Variants in MAML3 observed in about 807,000 individuals in gnomAD.
MAML3 encodes mastermind like transcriptional coactivator 3, also known as mastermind-like protein 3.
MAML3 carries 27 observed loss-of-function variants against 101.9 expected under a neutral mutation model. That is an observed-to-expected ratio of 0.27 (90% CI 0.20 to 0.37). The LOEUF (loss-of-function observed/expected upper bound fraction) is 0.37. MAML3 is among the 10% of genes least tolerant of loss of function. The probability of loss-of-function intolerance (pLI) is 1.00; values close to 1 mark genes in which losing one functional copy is unlikely to be tolerated. For missense variants in MAML3, 1,316 were observed against 1,444.9 expected, an observed-to-expected ratio of 0.91 and a Z score of 1.45; for synonymous variants, 501 against 555.9, an observed-to-expected ratio of 0.90 and a Z score of 1.39.
At chr4:139,787,854 T>C (rs562449517) in intron 2 of MAML3, among the ~76,000 whole-genome samples, 4 of 152,376 alleles carry the variant, frequency 2.6e-5, no homozygotes, top group Non-Finnish European at 5.9e-5. Context: ...CCCTAGTTTG[T>C]TTAGCTTTGC....
In MAML3 at chr4:139,931,000, G is replaced by A. The variant is rs534662174; in HGVS notation, c.469-40033C>T. ...TCTAAAAAAAAGGGGTAACAGATGT[G>A]GGGGAGAAGAATTAGAAGCAATGCA... On this transcript the variant is annotated intron_variant, in intron 1 of 4. Transcript: ENST00000509479. 3.9e-5 allele frequency among the ~76,000 whole-genome samples: 6 copies of A among 152,174 alleles called. No homozygotes were observed. In the South Asian group the frequency reaches 1.2e-3, roughly 32 times the overall value.
chr4:140,085,324 G>A (rs1052260117), intron 1 of MAML3, among the ~76,000 whole-genome samples: 1 of 152,186 alleles, frequency 6.6e-6, no homozygotes, highest in East Asian at 1.9e-4. Context: ...GGAGCAGCCA[G>A]TAACTTCAAA....
chr4:140,037,273 AAAC>A (rs1727002083), intron 1 of MAML3, among the ~76,000 whole-genome samples: 1 of 152,098 alleles, frequency 6.6e-6, no homozygotes, highest in Non-Finnish European at 1.5e-5. Context: ...AACAGCAACA[AAAC>A]AAAAAACAAA....
Position 140,138,504 on chromosome 4 carries a change from C to T in MAML3, c.468+14356G>A, listed in dbSNP as rs895080272. 5.9e-5 allele frequency among the ~76,000 whole-genome samples: 9 copies of T among 152,190 alleles called. No individual in the cohort carries two copies. In the South Asian group the frequency reaches 6.2e-4, roughly 11 times the overall value. The stretch of plus-strand genomic sequence containing the variant: ...TGTTTACCAAACATCAGAGAATCTC[C>T]GGGCAGAGGGCTACTGCAGGATGGG... On this transcript the variant is annotated intron_variant, in intron 1 of 4. Transcript: ENST00000509479.
intron 1 of MAML3, among the ~76,000 whole-genome samples, chr4:140,041,453 G>A (rs1007688585): frequency 5.3e-5 from 8 of 152,040 alleles, no homozygotes; most frequent in African/African-American, 1.7e-4. Context: ...GCGAAACCCC[G>A]TCTCTACTAA....
At chr4:140,131,416 A>T (rs1657792254) in intron 1 of MAML3, among the ~76,000 whole-genome samples, 1 of 152,168 alleles carries the variant, frequency 6.6e-6, no homozygotes, top group South Asian at 2.1e-4. Flanking sequence ...TCTCCTGCAG[A>T]CCTCCATGCT....
Position 139,889,780 on chromosome 4 carries a change from A to G in MAML3, c.1656T>C (p.Pro552=). 2.5e-6 allele frequency: 4 copies of G among 1,613,938 alleles called. No individual in the cohort carries two copies. The highest frequency in any genetic ancestry group is 3.4e-6 in the Non-Finnish European group (4 of 1,179,884). Residue 552 remains proline (P), a synonymous_variant, in exon 2 of 5, where the codon CCT becomes CCC. Transcript: ENST00000509479. The part of the protein sequence containing the change: ...MYPQAFNNQN[P]IVPPMANNLQ... ...GGTTGTTTGCCATTGGAGGCACTAT[A>G]GGGTTTTGGTTGTTAAAGGCTTGGG...
intron 1 of MAML3, among the ~76,000 whole-genome samples, chr4:140,108,931 T>C (rs1728395656): frequency 6.6e-6 from 1 of 152,146 alleles, no homozygotes. Context: ...ATTACTTCTT[T>C]TTAAACTTCC....
chr4:139,761,946 C>A (rs1430579584), intron 2 of MAML3, among the ~76,000 whole-genome samples: 1 of 152,062 alleles, frequency 6.6e-6, no homozygotes, highest in Non-Finnish European at 1.5e-5. Flanking sequence ...TGTGGACAAG[C>A]AGTTCTATAT....
intron 2 of MAML3, among the ~76,000 whole-genome samples, chr4:139,778,769 G>T (rs919150324): frequency 6.6e-6 from 1 of 152,074 alleles, no homozygotes; most frequent in African/African-American, 2.4e-5. Flanking sequence ...TGGATCACGA[G>T]GTCAAGAGAC....
At chr4:140,091,907 C>A (rs1227425507) in intron 1 of MAML3, among the ~76,000 whole-genome samples, 2 of 151,956 alleles carry the variant, frequency 1.3e-5, no homozygotes, top group Non-Finnish European at 2.9e-5. Flanking sequence ...GATCCCCACT[C>A]TGAGCAGGTA....
intron 2 of MAML3, among the ~76,000 whole-genome samples, chr4:139,807,016 C>T (rs1207780513): frequency 6.6e-6 from 1 of 152,072 alleles, no homozygotes; most frequent in Non-Finnish European, 1.5e-5. Context: ...ACTTTTTAGG[C>T]TTAAAATATT....
Position 139,832,094 on chromosome 4 carries a change from CTTTTT to C in MAML3, c.2079+57258_2079+57262del, listed in dbSNP as rs70943444. On this transcript the variant is annotated intron_variant, in intron 2 of 4. Coordinates refer to ENST00000509479, the MANE Select transcript of MAML3 (RefSeq NM_018717.5). ...AGGCGTGAGCCATCATGCCCAGCCCCTTTTTTTTTTTTTTTTTTTTTTTTTTTTGA... is the reference window on the plus strand; with the variant it reads ...AGGCGTGAGCCATCATGCCCAGCCCCTTTTTTTTTTTTTTTTTTTTTTTGA... 1.0e-3 allele frequency among the ~76,000 whole-genome samples: 65 copies of C among 64,688 alleles called. 1 individual carries two copies. Among genetic ancestry groups the C allele is most frequent in the African/African-American group, 1.3e-3 (32 of 23,704 alleles). The allele number at this position is 64,688 out of a possible 152,430, so 42.4% of individuals were successfully genotyped here. A position where few individuals can be genotyped will look rare whatever the true frequency, so the allele number is the denominator to read the frequency against.
intron 1 of MAML3, among the ~76,000 whole-genome samples, chr4:139,980,585 T>G (rs1449515311): frequency 6.6e-6 from 1 of 152,214 alleles, no homozygotes; most frequent in Non-Finnish European, 1.5e-5. Flanking sequence ...ATAAAGGTGC[T>G]TTTAGTCTAA....
chr4:139,907,711 A>T (rs4863521), intron 1 of MAML3, among the ~76,000 whole-genome samples: 131,971 of 152,182 alleles, frequency 0.87, 57,701 homozygotes, highest in Middle Eastern at 0.94. Flanking sequence ...TGCATGTTTT[A>T]ATTTTCCTCC....
At chr4:140,109,511 G>T (rs751269509) in intron 1 of MAML3, among the ~76,000 whole-genome samples, 14 of 152,168 alleles carry the variant, frequency 9.2e-5, no homozygotes, top group Non-Finnish European at 2.1e-4. Flanking sequence ...GATCAAGGGG[G>T]AAGCAGAAAG....
chr4:139,964,474 G>T (rs957934754), intron 1 of MAML3, among the ~76,000 whole-genome samples: 13 of 151,836 alleles, frequency 8.6e-5, no homozygotes, highest in African/African-American at 3.1e-4. Flanking sequence ...TTAGAGGACG[G>T]GTCAATAAGT....
At position 140,140,330 on chromosome 4, in the gene MAML3, TA is replaced by T. The variant is rs371037324; in HGVS notation, c.468+12529del. 8.7e-3 allele frequency among the ~76,000 whole-genome samples: 1,303 copies of T among 149,066 alleles called. 18 individuals carry two copies. The highest frequency in any genetic ancestry group is 0.029 in the African/African-American group (1,160 of 40,676). ...CAGGGTGAGATTCCGTCTCAAAAAA[TA>T]AAAAAAAAATTAAAATTAAAATAAA... On this transcript the variant is annotated intron_variant, in intron 1 of 4. Transcript: ENST00000509479.
chr4:139,994,786 G>GTGTGTGTGTGTGT lies in MAML3; in HGVS notation c.469-103820_469-103819insACACACACACACA, dbSNP rs1553968047. On this transcript the variant is annotated intron_variant, in intron 1 of 4. Coordinates refer to ENST00000509479, the MANE Select transcript of MAML3 (RefSeq NM_018717.5). Reference sequence around the variant, plus strand: ...GGTGGTGGTGGTGGTGCTGGTGGGGGGTGTGTGTGTGTGTGTGTGTGTATG... The same window carrying GTGTGTGTGTGTGT: ...GGTGGTGGTGGTGGTGCTGGTGGGGGTGTGTGTGTGTGTGTGTGTGTGTGTGTGTGTGTGTATG... 5.9e-3 allele frequency among the ~76,000 whole-genome samples: 888 copies of GTGTGTGTGTGTGT among 150,216 alleles called. 10 individuals are homozygous for GTGTGTGTGTGTGT. The highest frequency in any genetic ancestry group is 0.021 in the African/African-American group (844 of 40,892).
Sources: allele counts gnomAD v4.1 joint callset (sites outside exome capture counted in the v4.1 genomes callset), GRCh38; gene constraint gnomAD v4.1.1; transcripts MANE v1.5; gene names NCBI Gene and HGNC (gene_info 2026-07-23, HGNC 2026-07-21).